The following ATP2B1 variants were observed in gnomAD, a reference collection of about 807,000 sequenced individuals.
ATP2B1 encodes the protein plasma membrane calcium-transporting ATPase 1.
Under a neutral mutation model 124.2 loss-of-function variants are expected in ATP2B1, and 14 were observed. That is an observed-to-expected ratio of 0.11 (90% CI 0.07 to 0.18). The LOEUF (loss-of-function observed/expected upper bound fraction) is 0.18, where lower values mean the gene tolerates loss of function less well. ATP2B1 is among the 10% of genes least tolerant of loss of function. ATP2B1 has a pLI of 1.00. For synonymous variants in ATP2B1, 449 were observed against 492.4 expected (o/e 0.91, Z 1.17); for missense variants, 763 against 1,466.1 (o/e 0.52, Z 7.83).
In ATP2B1 at chr12:89,630,592, T is replaced by C; in HGVS notation, c.841A>G (p.Asn281Asp). 6.2e-7 allele frequency: 1 copy of C among 1,602,880 alleles called. No individual in the cohort carries two copies. The highest frequency in any genetic ancestry group is 1.7e-5 in the Admixed American group (1 of 59,056). The change falls in exon 6 of 21, where the codon AAT becomes GAT. Residue 281 changes from asparagine (N) to aspartate (D), a missense_variant. Physicochemically the swap from Asn to Asp is conservative, Grantham distance 23. Coordinates refer to ENST00000428670, the MANE Select transcript of ATP2B1 (RefSeq NM_001366521.1). ...GRMVVTAVGV[N>D]SQTGIIFTLL... Reference sequence around the variant, plus strand: ...GTAAAGATAATTCCAGTTTGAGAATTTACACCTACAGCTGTAACTACCATT... The same window carrying C: ...GTAAAGATAATTCCAGTTTGAGAATCTACACCTACAGCTGTAACTACCATT...
At chr12:89,623,769 A>G (rs1200886883) in intron 9 of ATP2B1, among the ~76,000 whole-genome samples, 1 of 152,262 alleles carries the variant, frequency 6.6e-6, no homozygotes, top group Admixed American at 6.5e-5. Context: ...TCTAATTGTC[A>G]TGAGAACTGA....
intron 8 of ATP2B1, 30 bp from the exon 9 acceptor site, chr12:89,624,427 G>A (rs1167990071): frequency 1.3e-6 from 2 of 1,565,508 alleles, no homozygotes; most frequent in East Asian, 2.3e-5. Context: ...AGAAAAATGT[G>A]ATTATTAAAT....
At chr12:89,648,595 T>G (rs1368041879) in intron 2 of ATP2B1, among the ~76,000 whole-genome samples, 1 of 152,220 alleles carries the variant, frequency 6.6e-6, no homozygotes, top group African/African-American at 2.4e-5. Flanking sequence ...GGGTAAAGTC[T>G]GGAAAATGTG....
chr12:89,625,615 G>GA (rs1212232853), intron 8 of ATP2B1, among the ~76,000 whole-genome samples: 2 of 138,182 alleles, frequency 1.4e-5, no homozygotes, highest in African/African-American at 5.4e-5. Flanking sequence ...GAAAAGAAAA[G>GA]AAAAAAAGAA....
chr12:89,663,545 A>G (rs1411031658), intron 1 of ATP2B1, among the ~76,000 whole-genome samples: 1 of 152,114 alleles, frequency 6.6e-6, no homozygotes, highest in African/African-American at 2.4e-5. Context: ...TAATGAATAC[A>G]ATCTTACCCA....
chr12:89,640,893 G>A (rs768735617), intron 3 of ATP2B1, among the ~76,000 whole-genome samples: 1 of 152,174 alleles, frequency 6.6e-6, no homozygotes, highest in Non-Finnish European at 1.5e-5. Flanking sequence ...AGAAGCAGAT[G>A]CTGGCACCAC....
chr12:89,683,874 A>G (rs2136660557), intron 1 of ATP2B1, among the ~76,000 whole-genome samples: 2 of 152,304 alleles, frequency 1.3e-5, no homozygotes, highest in Admixed American at 6.5e-5. Context: ...AAACCTTAGC[A>G]CTATGAAAAT....
intron 1 of ATP2B1, among the ~76,000 whole-genome samples, chr12:89,656,985 A>T (rs1254206380): frequency 1.3e-5 from 2 of 152,206 alleles, no homozygotes; most frequent in Non-Finnish European, 2.9e-5. Context: ...GAATACATGC[A>T]TTACATTTAT....
At chr12:89,679,223 T>C (rs1889050031) in intron 1 of ATP2B1, among the ~76,000 whole-genome samples, 3 of 152,130 alleles carry the variant, frequency 2.0e-5, no homozygotes, top group Admixed American at 1.3e-4. Context: ...AATTTTTATT[T>C]TATTATTTCA....
intron 11 of ATP2B1, 46 bp from the exon 12 acceptor site, chr12:89,617,085 ATGGTTAATGCCATTTAAG>A (rs1482068966): frequency 2.0e-6 from 3 of 1,474,398 alleles, no homozygotes; most frequent in Non-Finnish European, 1.9e-6. Flanking sequence ...TAAAAAAATA[ATGGTTAATGCCATTTAAG>A]TGAACTGGCA....
intron 11 of ATP2B1, among the ~76,000 whole-genome samples, chr12:89,619,072 A>G (rs993564458): frequency 6.6e-6 from 1 of 152,230 alleles, no homozygotes; most frequent in African/African-American, 2.4e-5. Flanking sequence ...CATCAGGGAA[A>G]TTATATGTGA....
chr12:89,631,473 C>G (rs1469938069), intron 5 of ATP2B1, among the ~76,000 whole-genome samples: 1 of 152,144 alleles, frequency 6.6e-6, no homozygotes, highest in African/African-American at 2.4e-5. Flanking sequence ...TTCCAGCACG[C>G]CTTTGTAACT....
intron 1 of ATP2B1, among the ~76,000 whole-genome samples, chr12:89,682,109 A>G (rs770355796): frequency 3.0e-4 from 46 of 152,306 alleles, no homozygotes; most frequent in Non-Finnish European, 5.9e-4. Flanking sequence ...ATTACAAAAT[A>G]TAACAGAAAA....
chr12:89,634,947 C>T (rs1261783929), intron 4 of ATP2B1, 44 bp from the exon 5 acceptor site: 14 of 1,609,966 alleles, frequency 8.7e-6, no homozygotes, highest in Middle Eastern at 1.6e-4. Flanking sequence ...AACAAGATTA[C>T]AGTAATTTTA....
intron 1 of ATP2B1, among the ~76,000 whole-genome samples, chr12:89,677,700 GTTC>G (rs1345474539): frequency 4.0e-5 from 6 of 151,876 alleles, no homozygotes; most frequent in Non-Finnish European, 7.4e-5. Flanking sequence ...TCATACCAAT[GTTC>G]TTTTCTTCTT....
At position 89,624,240 on chromosome 12, in the gene ATP2B1, G is replaced by A. The variant is rs763884478; in HGVS notation, c.1287C>T (p.Val429=). The part of the protein sequence containing the change: ...FFIIGVTVLV[V]AVPEGLPLAV... ...CAAGTGGAAGACCTTCTGGCACTGC[G>A]ACCACTAAAACTGTAACTCCAATAA... Residue 429 remains valine (V), a synonymous_variant, in exon 9 of 21, where the codon GTC becomes GTT. Coordinates refer to ENST00000428670, the MANE Select transcript of ATP2B1 (RefSeq NM_001366521.1). The A allele has an allele frequency of 8.1e-6, 13 of 1,613,960 alleles. No individual in the cohort carries two copies. The highest frequency in any genetic ancestry group is 1.6e-4 in the Middle Eastern group (1 of 6,082).
intron 2 of ATP2B1, among the ~76,000 whole-genome samples, chr12:89,643,485 G>A (rs1336068534): frequency 1.3e-5 from 2 of 152,242 alleles, no homozygotes; most frequent in African/African-American, 2.4e-5. Flanking sequence ...GAAGTAATAG[G>A]TGGTGCTATT....
chr12:89,664,485 AT>A (rs777719499), intron 1 of ATP2B1, among the ~76,000 whole-genome samples: 1 of 152,188 alleles, frequency 6.6e-6, no homozygotes, highest in African/African-American at 2.4e-5. Context: ...GGTTGGTCTA[AT>A]TTTGCAAGGT....
chr12:89,653,053 ATATAAG>A (rs1885463608), intron 2 of ATP2B1, among the ~76,000 whole-genome samples: 2 of 152,198 alleles, frequency 1.3e-5, no homozygotes, highest in African/African-American at 2.4e-5. Flanking sequence ...TCAACTGTAA[ATATAAG>A]TATAATGCTT....
Sources: gnomAD v4.1 joint callset for allele counts (sites outside exome capture counted in the v4.1 genomes callset) on GRCh38, gnomAD v4.1.1 for gene constraint, MANE v1.5 for transcripts, NCBI Gene and HGNC (gene_info 2026-07-23, HGNC 2026-07-21) for gene names.